TASP1: variants seen among roughly 807,000 people sequenced by gnomAD.
The protein encoded by TASP1 is threonine aspartase 1.
TASP1 carries 16 observed loss-of-function variants against 56.6 expected under a neutral mutation model. That is an observed-to-expected ratio of 0.28 (90% confidence interval 0.19 to 0.43). The LOEUF is 0.43. Ranked by LOEUF, TASP1 falls within the 20% of genes least tolerant of loss-of-function variation. The pLI is 1.00. For missense variants in TASP1, 393 were observed against 511.6 expected (o/e 0.77, Z 2.24); for synonymous variants, 179 against 184.2 (o/e 0.97, Z 0.23).
At chr20:13,490,948 T>C (rs142006162) in intron 10 of TASP1, among the ~76,000 whole-genome samples, 300 of 152,236 alleles carry the variant, frequency 2.0e-3, no homozygotes, top group African/African-American at 6.8e-3. Context: ...ATGATGAAAA[T>C]AACCATCTTA....
At chr20:13,520,838 C>T (rs139520198) in intron 10 of TASP1, among the ~76,000 whole-genome samples, 3,355 of 152,166 alleles carry the variant, frequency 0.022, 122 homozygotes, top group African/African-American at 0.072. Flanking sequence ...GAACAGGCAA[C>T]CTATAGAATG....
chr20:13,514,375 A>G (rs2044445945), intron 10 of TASP1, among the ~76,000 whole-genome samples: 1 of 152,174 alleles, frequency 6.6e-6, no homozygotes, highest in African/African-American at 2.4e-5. Flanking sequence ...CACAGCCATA[A>G]CAGAGTCCCG....
chr20:13,590,634 A>G (rs2147279022), intron 4 of TASP1, among the ~76,000 whole-genome samples: 1 of 152,214 alleles, frequency 6.6e-6, no homozygotes, highest in South Asian at 2.1e-4. Context: ...TTGGGAGGCC[A>G]AGGCGGGAGG....
chr20:13,390,532 G>C, intron 13 of TASP1, 80 bp from the exon 14 acceptor site: 1 of 1,304,102 alleles, frequency 7.7e-7, no homozygotes, highest in South Asian at 1.2e-5. Context: ...TCCAAAAAAG[G>C]TGGAGGAAAC....
At chr20:13,139,628 C>G in the TASP1 span, among the ~76,000 whole-genome samples, 2 of 152,174 alleles carry the variant, frequency 1.3e-5, no homozygotes, top group African/African-American at 4.8e-5. Flanking sequence ...GTTTGTAACT[C>G]AGTCACATGA....
chr20:13,323,179 G>T, the TASP1 span, among the ~76,000 whole-genome samples: 15 of 152,164 alleles, frequency 9.9e-5, no homozygotes, highest in Non-Finnish European at 4.4e-5. Flanking sequence ...AATATTACTT[G>T]CTACAAAGAA....
At chr20:13,263,962 G>GT in the TASP1 span, among the ~76,000 whole-genome samples, 2 of 150,188 alleles carry the variant, frequency 1.3e-5, no homozygotes, top group African/African-American at 4.9e-5. Context: ...GATTCCTAGG[G>GT]TTTTTTTGTT....
At chr20:13,187,559 C>G in the TASP1 span, among the ~76,000 whole-genome samples, 1 of 151,642 alleles carries the variant, frequency 6.6e-6, no homozygotes, top group Non-Finnish European at 1.5e-5. Context: ...ACCATCCTGG[C>G]CAATATGATA....
At chr20:13,283,591 G>A in the TASP1 span, among the ~76,000 whole-genome samples, 1 of 152,216 alleles carries the variant, frequency 6.6e-6, no homozygotes, top group Non-Finnish European at 1.5e-5. Flanking sequence ...ATGAGATGAT[G>A]CTGTGAGTCA....
rs376912454 is a variant in TASP1 at position 13,438,592 on chromosome 20, T to G, written c.986-3438A>C. Among the ~76,000 whole-genome samples, 4 of 152,220 alleles carry G rather than the reference T, an allele frequency of 2.6e-5. No homozygotes were observed. The East Asian group carries it at 5.8e-4, about 22-fold the overall frequency. On this transcript the variant is annotated intron_variant, in intron 11 of 13. Transcript: ENST00000337743. ...GGCAATACCATTCAGGACATAGCCATGGGCAAGGACTTTATGTCTAAAACA... is the reference window on the plus strand; with the variant it reads ...GGCAATACCATTCAGGACATAGCCAGGGGCAAGGACTTTATGTCTAAAACA...
At chr20:13,585,911 G>T (rs2047285245) in intron 5 of TASP1, among the ~76,000 whole-genome samples, 1 of 152,128 alleles carries the variant, frequency 6.6e-6, no homozygotes, top group Non-Finnish European at 1.5e-5. Context: ...GAAGCTGGCA[G>T]ATCACTTGAG....
the TASP1 span, among the ~76,000 whole-genome samples, chr20:13,313,919 G>A: frequency 4.6e-5 from 7 of 152,190 alleles, no homozygotes; most frequent in Non-Finnish European, 1.0e-4. Flanking sequence ...AATGTAAGCA[G>A]AGAGATAAAA....
the TASP1 span, among the ~76,000 whole-genome samples, chr20:13,298,251 G>A: frequency 7.2e-5 from 11 of 152,014 alleles, no homozygotes; most frequent in East Asian, 5.8e-4. Context: ...GATTACAGGC[G>A]CATGCCACAA....
chr20:13,153,945 A>G, the TASP1 span: 1 of 1,597,436 alleles, frequency 6.3e-7, no homozygotes, highest in Non-Finnish European at 8.5e-7. Flanking sequence ...AGTTGACCGG[A>G]CCTTTACTTC....
the TASP1 span, among the ~76,000 whole-genome samples, chr20:13,350,686 T>A: frequency 0.17 from 25,737 of 151,696 alleles, 2,393 homozygotes; most frequent in African/African-American, 0.23. Flanking sequence ...ATTTTTATTT[T>A]TATATATATA....
intron 7 of TASP1, among the ~76,000 whole-genome samples, chr20:13,562,069 A>G (rs1049715078): frequency 2.0e-5 from 3 of 152,234 alleles, no homozygotes; most frequent in Non-Finnish European, 4.4e-5. Context: ...AATAGATTGT[A>G]AAAGATAGGT....
chr20:13,572,359 A>G (rs1226688299), intron 6 of TASP1, among the ~76,000 whole-genome samples: 6 of 151,990 alleles, frequency 3.9e-5, no homozygotes, highest in Non-Finnish European at 8.8e-5. Context: ...AAAAAGCAAC[A>G]CTCTACTGAA....
the TASP1 span, among the ~76,000 whole-genome samples, chr20:13,170,528 A>G: frequency 6.6e-6 from 1 of 152,230 alleles, no homozygotes; most frequent in Non-Finnish European, 1.5e-5. Context: ...AGAAGTTATC[A>G]CAGATACAAA....
chr20:13,484,748 A>AAAG (rs1237919773), intron 10 of TASP1, among the ~76,000 whole-genome samples: 89 of 151,828 alleles, frequency 5.9e-4, no homozygotes, highest in Non-Finnish European at 9.0e-4. Context: ...AAAAAAAAAA[A>AAAG]AAAGAAAGAA....
Sources: allele counts gnomAD v4.1 joint callset (sites outside exome capture counted in the v4.1 genomes callset), GRCh38; gene constraint gnomAD v4.1.1; transcripts MANE v1.5; gene names NCBI Gene and HGNC (gene_info 2026-07-23, HGNC 2026-07-21).